Variants in ROS1 observed in about 807,000 individuals in gnomAD.
The protein encoded by ROS1 is proto-oncogene tyrosine-protein kinase ROS.
A neutral mutation model predicts 273.5 loss-of-function variants in ROS1; 263 were observed. The observed-to-expected ratio is 0.96, with a 90% CI of 0.87 to 1.06. The LOEUF (loss-of-function observed/expected upper bound fraction) is 1.06. ROS1 is among the 50% of genes least tolerant of loss of function. The pLI is 0.00. For missense variants in ROS1, 2,833 were observed against 2,751.1 expected, an observed-to-expected ratio of 1.03 and a Z score of -0.67; for synonymous variants, 1,008 against 954.1, an observed-to-expected ratio of 1.06 and a Z score of -1.04.
chr6:117,353,929 C>T (rs1030338898), intron 26 of ROS1, among the ~76,000 whole-genome samples: 1 of 152,052 alleles, frequency 6.6e-6, no homozygotes, highest in Non-Finnish European at 1.5e-5. Flanking sequence ...AGTGCAGTGT[C>T]TTTATGGGGG....
chr6:117,337,409 T>C (rs1413049858), intron 31 of ROS1, 69 bp from the exon 32 acceptor site: 5 of 1,181,886 alleles, frequency 4.2e-6, no homozygotes, highest in South Asian at 1.5e-5. Context: ...CAAAAATGTA[T>C]AGGCTTATAG....
intron 26 of ROS1, among the ~76,000 whole-genome samples, chr6:117,355,248 G>T (rs77029268): frequency 4.0e-4 from 61 of 152,218 alleles, no homozygotes; most frequent in African/African-American, 1.4e-3. Context: ...AGGTTTAACA[G>T]AAACAAGTAA....
At chr6:117,318,337 T>G (rs1776062767) in intron 37 of ROS1, 85 bp from the exon 38 acceptor site, 4 of 941,598 alleles carry the variant, frequency 4.2e-6, no homozygotes, top group Non-Finnish European at 6.9e-6. Context: ...TTCTGTTTGT[T>G]CTGTAATATC....
In ROS1 at chr6:117,387,830, T is replaced by C. The variant is rs766626912; in HGVS notation, c.1949A>G (p.Lys650Arg). ...YKVSVRASSP[K>R]RPGPWSEPSV... ...GGGCTCTGACCAGGGGCCTGGCCTC[T>C]TTGGAGAACTTGCTCTCACAGAAAC... Residue 650 changes from lysine (K) to arginine (R), a missense_variant, in exon 14 of 44, where the codon AAG (lysine) becomes AGG (arginine). Lys to Arg is a conservative substitution (Grantham distance 26). Transcript: ENST00000368507. The C allele has an allele frequency of 3.1e-6, 5 of 1,614,032 alleles. No individual in the cohort carries two copies. The East Asian group carries it at 8.9e-5, about 29-fold the overall frequency.
At chr6:117,416,005 G>A (rs1036469310) in intron 3 of ROS1, among the ~76,000 whole-genome samples, 3 of 152,170 alleles carry the variant, frequency 2.0e-5, no homozygotes, top group Non-Finnish European at 2.9e-5. Context: ...GTTTTGGAGC[G>A]ATTGAACATC....
chr6:117,332,326 A>G (rs571470197), intron 32 of ROS1, among the ~76,000 whole-genome samples: 2 of 152,342 alleles, frequency 1.3e-5, no homozygotes, highest in East Asian at 3.9e-4. Flanking sequence ...CCAATACAAG[A>G]GCACCCAGAC....
At chr6:117,296,505 A>G (rs944507354) in intron 43 of ROS1, among the ~76,000 whole-genome samples, 2 of 152,206 alleles carry the variant, frequency 1.3e-5, no homozygotes, top group African/African-American at 4.8e-5. Flanking sequence ...TTCCAAGAAT[A>G]TGTATGGAAC....
rs148229418 is a variant in ROS1 at position 117,417,689 on chromosome 6, A to C, written c.168+773T>G. 3.0e-3 allele frequency among the ~76,000 whole-genome samples: 449 copies of C among 152,174 alleles called. 6 individuals are homozygous for C. The highest frequency in any genetic ancestry group is 0.024 in the South Asian group (116 of 4,826). On this transcript the variant is annotated intron_variant, in intron 2 of 43. Transcript: ENST00000368507. ...CCCTACCCTCTATACATGTACCCCA[A>C]TTTCCAAGCAAGCTGAAATACTCAG...
rs185865637 is a variant in ROS1 at position 117,326,606 on chromosome 6, T to G, written c.5349-192A>C. Among the ~76,000 whole-genome samples, 39 of 152,208 alleles carry G rather than the reference T, an allele frequency of 2.6e-4. No homozygotes were observed. In the South Asian group the frequency reaches 7.9e-3, roughly 31 times the overall value. On this transcript the variant is annotated intron_variant, in intron 33 of 43. Transcript: ENST00000368507. ...GTTTTATAGTGATCCTAGTGAGGCA[T>G]GGAGCCAATTAACTCAGCCCACCAA...
chr6:117,292,806 G>T (rs116070045), intron 43 of ROS1, among the ~76,000 whole-genome samples: 4 of 152,018 alleles, frequency 2.6e-5, no homozygotes, highest in African/African-American at 9.7e-5. Flanking sequence ...TCTTTTTTAC[G>T]CACTTAGTTG....
intron 2 of ROS1, among the ~76,000 whole-genome samples, chr6:117,417,666 C>T (rs1328471243): frequency 6.6e-6 from 1 of 152,146 alleles, no homozygotes; most frequent in Non-Finnish European, 1.5e-5. Context: ...TTCCACTTCC[C>T]TACCCTCTAT....
At chr6:117,398,870 G>A (rs1773718991) in intron 7 of ROS1, among the ~76,000 whole-genome samples, 1 of 151,834 alleles carries the variant, frequency 6.6e-6, no homozygotes, top group African/African-American at 2.4e-5. Context: ...CTACTCAGGA[G>A]GCTGAGGCAG....
intron 4 of ROS1, among the ~76,000 whole-genome samples, chr6:117,410,853 C>T (rs960945015): frequency 6.6e-6 from 1 of 152,132 alleles, no homozygotes; most frequent in African/African-American, 2.4e-5. Context: ...AATTTAAATA[C>T]CTCAGTTTGG....
chr6:117,318,557 C>T (rs1040023957), intron 37 of ROS1, among the ~76,000 whole-genome samples: 1 of 152,224 alleles, frequency 6.6e-6, no homozygotes. Context: ...ATTTTCTTTT[C>T]AATATGTTTT....
At chr6:117,340,427 A>G (rs1175056978) in intron 31 of ROS1, among the ~76,000 whole-genome samples, 1 of 152,182 alleles carries the variant, frequency 6.6e-6, no homozygotes, top group Non-Finnish European at 1.5e-5. Context: ...TTAATCTTTA[A>G]AAACACGTAC....
intron 9 of ROS1, 52 bp downstream of exon 9, chr6:117,396,136 A>G: frequency 6.9e-7 from 1 of 1,458,330 alleles, no homozygotes; most frequent in South Asian, 1.2e-5. Flanking sequence ...CTCTGAAACC[A>G]CCCTTGCCAC....
intron 18 of ROS1, among the ~76,000 whole-genome samples, chr6:117,372,424 C>G (rs1248566697): frequency 6.6e-6 from 1 of 152,166 alleles, no homozygotes; most frequent in Non-Finnish European, 1.5e-5. Flanking sequence ...TTAATGTACA[C>G]AAAACAATAG....
intron 5 of ROS1, among the ~76,000 whole-genome samples, chr6:117,406,686 A>T (rs1774431296): frequency 6.6e-6 from 1 of 152,226 alleles, no homozygotes; most frequent in Non-Finnish European, 1.5e-5. Flanking sequence ...GAACCAAAAG[A>T]ATTCTCTAAC....
chr6:117,397,172 T>C (rs1773563862), intron 7 of ROS1, 56 bp from the exon 8 acceptor site: 1 of 1,155,642 alleles, frequency 8.7e-7, no homozygotes, highest in Admixed American at 2.3e-5. Flanking sequence ...ATGATGTTTT[T>C]AAAATAAGAT....
Sources: allele counts gnomAD v4.1 joint callset (sites outside exome capture counted in the v4.1 genomes callset), GRCh38; gene constraint gnomAD v4.1.1; transcripts MANE v1.5; gene names NCBI Gene and HGNC (gene_info 2026-07-23, HGNC 2026-07-21).